PSMB2: variants seen among roughly 807,000 people sequenced by gnomAD.
PSMB2 encodes the protein proteasome subunit beta type-2.
A neutral mutation model predicts 25.7 loss-of-function variants in PSMB2; 13 were observed. The ratio of observed to expected loss-of-function variants is 0.51; its 90% CI spans 0.33 to 0.80. The LOEUF (loss-of-function observed/expected upper bound fraction) is 0.80. Ranked by LOEUF, PSMB2 falls within the 30% of genes least tolerant of loss-of-function variation. PSMB2 has a pLI of 0.02. For missense variants in PSMB2, 202 were observed against 259.0 expected (o/e 0.78, Z 1.51); for synonymous variants, 87 against 96.2 (o/e 0.90, Z 0.56).
intron 4 of PSMB2, 28 bp downstream of exon 4, chr1:35,609,218 G>T: frequency 2.0e-6 from 3 of 1,515,250 alleles, no homozygotes; most frequent in East Asian, 2.4e-5. Flanking sequence ...CTCTGCCACT[G>T]CTCCCTCCCT....
intron 3 of PSMB2, among the ~76,000 whole-genome samples, chr1:35,630,909 G>A (rs1441904844): frequency 6.6e-6 from 1 of 152,190 alleles, no homozygotes; most frequent in Non-Finnish European, 1.5e-5. Flanking sequence ...GCTGATAATG[G>A]GGAATGCTAT....
At position 35,630,593 on chromosome 1, in the gene PSMB2, G is replaced by A. The variant is rs114042026; in HGVS notation, c.285+681C>T. ...AAATAAAAGAAGCCAATCTGAAAAG[G>A]CTGCATAATCCATGATTCCAACTAT... On this transcript the variant is annotated intron_variant, in intron 3 of 5. Coordinates refer to ENST00000373237, the MANE Select transcript of PSMB2 (RefSeq NM_002794.5). 6.7e-3 allele frequency among the ~76,000 whole-genome samples: 1,016 copies of A among 152,306 alleles called. 15 individuals carry two copies. Among genetic ancestry groups the A allele is most frequent in the African/African-American group, 0.02 (843 of 41,554 alleles).
intron 1 of PSMB2, among the ~76,000 whole-genome samples, chr1:35,638,659 T>G (rs926923972): frequency 1.3e-5 from 2 of 152,160 alleles, no homozygotes; most frequent in Non-Finnish European, 2.9e-5. Context: ...AAAGAGAGAA[T>G]TCTGTGTGGG....
chr1:35,601,225 C>G lies in PSMB2; in HGVS notation c.*2042G>C, dbSNP rs1321880870. On this transcript the variant is annotated 3_prime_UTR_variant, in exon 6 of 6. Transcript: ENST00000373237. ...GGGTTTACAGGCGTGTGCCACCACG[C>G]CTGGCTAATTGTTATATATTTTTTT... 3 of 571,260 alleles carry G rather than the reference C, an allele frequency of 5.3e-6. No homozygotes were observed. The African/African-American group carries it at 6.1e-5, about 12-fold the overall frequency. 35.4% of individuals were successfully genotyped at this position (571,260 alleles called of 1,614,324 possible).
Position 35,599,691 on chromosome 1 carries a change from G to A in PSMB2, c.*3576C>T. On this transcript the variant is annotated 3_prime_UTR_variant, in exon 6 of 6. Coordinates refer to ENST00000373237, the MANE Select transcript of PSMB2 (RefSeq NM_002794.5). ...TGGAAAACCACCAGAAAGTTTTAAGGGCAGAGAGGAATGGATGGTGAAACT... is the reference window on the plus strand; with the variant it reads ...TGGAAAACCACCAGAAAGTTTTAAGAGCAGAGAGGAATGGATGGTGAAACT... 1 of 985,184 alleles carries A rather than the reference G, an allele frequency of 1.0e-6. No homozygotes were observed. The highest frequency in any genetic ancestry group is 1.2e-6 in the Non-Finnish European group (1 of 829,730). The allele number at this position is 985,184 out of a possible 1,614,324, so 61.0% of individuals were successfully genotyped here.
Position 35,631,946 on chromosome 1 carries a change from C to A in PSMB2, c.215-602G>T, listed in dbSNP as rs574500991. 4.6e-5 allele frequency among the ~76,000 whole-genome samples: 7 copies of A among 152,066 alleles called. No individual in the cohort carries two copies. The South Asian group carries it at 1.0e-3, about 23-fold the overall frequency. ...AGGCTGAGTGGAGAGGATCAATTGA[C>A]CCCAGAAGTTCAAGTGAGTTATGAC... On this transcript the variant is annotated intron_variant, in intron 2 of 5. Transcript: ENST00000373237.
At chr1:35,605,419 C>T in intron 4 of PSMB2, 137 bp from the exon 5 acceptor site, 1 of 870,482 alleles carries the variant, frequency 1.1e-6, no homozygotes, top group South Asian at 1.4e-5. Context: ...AATGCTTTGC[C>T]TTCTAGCCTG....
At chr1:35,621,471 G>A (rs1452235079) in intron 3 of PSMB2, among the ~76,000 whole-genome samples, 7 of 152,158 alleles carry the variant, frequency 4.6e-5, no homozygotes, top group South Asian at 4.1e-4. Flanking sequence ...ATCAGGAAGC[G>A]TCAGAAAAGG....
intron 3 of PSMB2, among the ~76,000 whole-genome samples, chr1:35,612,274 C>A (rs77224732): frequency 1.7e-3 from 251 of 151,854 alleles, no homozygotes; most frequent in Non-Finnish European, 2.6e-3. Flanking sequence ...AAAACTTAAC[C>A]CCTATGAGCT....
intron 3 of PSMB2, among the ~76,000 whole-genome samples, chr1:35,616,495 T>G (rs535457868): frequency 3.9e-4 from 60 of 152,348 alleles, no homozygotes; most frequent in African/African-American, 1.4e-3. Context: ...CTCAAACTCC[T>G]GGGCTCAAGG....
At chr1:35,608,275 G>C (rs553262050) in intron 4 of PSMB2, among the ~76,000 whole-genome samples, 16 of 152,004 alleles carry the variant, frequency 1.1e-4, no homozygotes, top group Non-Finnish European at 2.1e-4. Context: ...TGAGGCACGA[G>C]AATTGCTTGA....
chr1:35,601,687 T>A lies in PSMB2; in HGVS notation c.*1580A>T. 1.0e-6 allele frequency: 1 copy of A among 985,416 alleles called. No homozygotes were observed. Among genetic ancestry groups the A allele is most frequent in the Non-Finnish European group, 1.2e-6 (1 of 829,920 alleles). 61.0% of individuals were successfully genotyped at this position (985,416 alleles called of 1,614,324 possible). ...AACAAAAACCTATCTGTATATGATA[T>A]TAAGAGGAGCACAGAATTGGATAAA... On this transcript the variant is annotated 3_prime_UTR_variant, in exon 6 of 6. Transcript: ENST00000373237.
At chr1:35,628,625 A>ATTTTTTT (rs1293637771) in intron 3 of PSMB2, among the ~76,000 whole-genome samples, 3 of 44,006 alleles carry the variant, frequency 6.8e-5, no homozygotes, top group East Asian at 0.013. Context: ...ATATATATAT[A>ATTTTTTT]TATATATTTT....
chr1:35,602,818 C>G lies in PSMB2; in HGVS notation c.*449G>C, dbSNP rs138074859. On this transcript the variant is annotated 3_prime_UTR_variant, in exon 6 of 6. Transcript: ENST00000373237. ...GCTCTGGAAGAAATATTTTTCACTACATGTTTTTGTACTGTTTGCATGTTA... is the reference window on the plus strand; with the variant it reads ...GCTCTGGAAGAAATATTTTTCACTAGATGTTTTTGTACTGTTTGCATGTTA... 2,041 of 786,356 alleles carry G rather than the reference C, an allele frequency of 2.6e-3. 44 individuals are homozygous for G. In the African/African-American group the frequency reaches 0.036, roughly 14 times the overall value. 48.7% of individuals were successfully genotyped at this position (786,356 alleles called of 1,614,324 possible). A position where few individuals can be genotyped will look rare whatever the true frequency, so the allele number is the denominator to read the frequency against.
chr1:35,638,835 G>A (rs1247365292), intron 1 of PSMB2, among the ~76,000 whole-genome samples: 4 of 152,178 alleles, frequency 2.6e-5, no homozygotes, highest in Non-Finnish European at 5.9e-5. Context: ...GTGACATACT[G>A]GACAATTGAT....
intron 3 of PSMB2, among the ~76,000 whole-genome samples, chr1:35,620,246 TA>T (rs1325597895): frequency 6.6e-6 from 1 of 152,184 alleles, no homozygotes; most frequent in African/African-American, 2.4e-5. Context: ...CATAGAGTAT[TA>T]AGGAAATTCT....
Position 35,641,358 on chromosome 1 carries a change from A to G in PSMB2, c.75T>C (p.Ile25=). 2 of 1,614,066 alleles carry G rather than the reference A, an allele frequency of 1.2e-6. No homozygotes were observed. Among genetic ancestry groups the G allele is most frequent in the Non-Finnish European group, 1.7e-6 (2 of 1,180,000 alleles). The change falls in exon 1 of 6, where the codon ATT becomes ATC. Residue 25 remains isoleucine (I), a synonymous_variant. Coordinates refer to ENST00000373237, the MANE Select transcript of PSMB2 (RefSeq NM_002794.5). ...TCCTCTCACCGTCCTTCATCTGGAC[A>G]ATATTGCTGGCGGCCACCCGGTCGG... ...VASDRVAASN[I]VQMKDDHDKM... is the part of the protein sequence containing the mutation.
intron 2 of PSMB2, among the ~76,000 whole-genome samples, chr1:35,635,846 A>G (rs967974444): frequency 1.1e-4 from 17 of 151,586 alleles, no homozygotes; most frequent in Middle Eastern, 3.4e-3. Context: ...AAAAAAAAAA[A>G]AAAAAAGAAA....
rs1360723857 is a variant in PSMB2 at position 35,600,931 on chromosome 1, C to A, written c.*2336G>T. ...TTTACCTATATTACTTCATGGAATT[C>A]TCATATCTACCACATAGAATAGGTG... On this transcript the variant is annotated 3_prime_UTR_variant, in exon 6 of 6. Transcript: ENST00000373237. 4.1e-6 allele frequency: 4 copies of A among 984,724 alleles called. No individual in the cohort carries two copies. Among genetic ancestry groups the A allele is most frequent in the African/African-American group, 1.7e-5 (1 of 57,182 alleles). The allele number at this position is 984,724 out of a possible 1,614,324, so 61.0% of individuals were successfully genotyped here. A position where few individuals can be genotyped will look rare whatever the true frequency, so the allele number is the denominator to read the frequency against.
Sources: gnomAD v4.1 joint callset for allele counts (sites outside exome capture counted in the v4.1 genomes callset) on GRCh38, gnomAD v4.1.1 for gene constraint, MANE v1.5 for transcripts, NCBI Gene and HGNC (gene_info 2026-07-23, HGNC 2026-07-21) for gene names.